PABIR3: variants seen among roughly 807,000 people sequenced by gnomAD.
PABIR3 encodes the protein PABIR family member 3.
PABIR3 carries 20 observed loss-of-function variants against 23.1 expected under a neutral mutation model. The ratio of observed to expected loss-of-function variants is 0.86; its 90% CI spans 0.61 to 1.26. The LOEUF (loss-of-function observed/expected upper bound fraction) is 1.26. Among genes scored for constraint, PABIR3 ranks in the 50% most tolerant of loss-of-function variants. The pLI is 0.00. For missense variants in PABIR3, 189 were observed against 195.4 expected, an observed-to-expected ratio of 0.97 and a Z score of 0.20; for synonymous variants, 69 against 68.5, an observed-to-expected ratio of 1.01 and a Z score of -0.04.
At chrX:134,810,307 T>C in intron 2 of PABIR3, 1 of 754,600 alleles carries the variant, frequency 1.3e-6, no homozygotes, top group Non-Finnish European at 1.6e-6. Context: ...GTTTGTTTGT[T>C]TTTTGCTTAT....
intron 3 of PABIR3, among the ~76,000 whole-genome samples, chrX:134,816,601 T>C (rs1474168066): frequency 9.0e-6 from 1 of 111,100 alleles, no homozygotes; most frequent in African/African-American, 3.3e-5. Context: ...GGATTACAGG[T>C]GTGAGCCACT....
intron 4 of PABIR3, among the ~76,000 whole-genome samples, chrX:134,837,161 C>T (rs766369903): frequency 6.7e-4 from 74 of 110,695 alleles, no homozygotes; most frequent in African/African-American, 2.1e-3. Context: ...GCCTGACCAA[C>T]GTGAAGAAAC....
chrX:134,847,878 TTTA>T lies in PABIR3; in HGVS notation c.439-4_439-2del. ...TTTAAAACCTCTGTTCCAATTTGAT[TTTA>T]GCAGTGTTTCTCTCCATCATTACAA... On this transcript the variant is annotated splice_acceptor_variant and splice_polypyrimidine_tract_variant and intron_variant, in intron 7 of 10. Coordinates refer to ENST00000645433, the MANE Select transcript of PABIR3 (RefSeq NM_001388447.1). LOFTEE classifies it high-confidence loss of function. The T allele has an allele frequency of 2.6e-6, 3 of 1,152,679 alleles. No homozygotes were observed. Among genetic ancestry groups the T allele is most frequent in the Non-Finnish European group, 3.4e-6 (3 of 870,242 alleles). 95.0% of individuals were successfully genotyped at this position (1,152,679 alleles called of 1,213,427 possible). A position where few individuals can be genotyped will look rare whatever the true frequency, so the allele number is the denominator to read the frequency against.
intron 4 of PABIR3, among the ~76,000 whole-genome samples, chrX:134,843,417 A>C (rs2082311778): frequency 9.1e-6 from 1 of 109,476 alleles, no homozygotes. Context: ...GTAAAAAAAA[A>C]AAAGGGGGTT....
At chrX:134,798,596 G>A (rs1353895462) in intron 1 of PABIR3, among the ~76,000 whole-genome samples, 1 of 112,302 alleles carries the variant, frequency 8.9e-6, no homozygotes, top group African/African-American at 3.2e-5. Flanking sequence ...CTGGGGCTGA[G>A]GTCTCATCTT....
chrX:134,824,720 A>T lies in PABIR3; in HGVS notation c.190-4506A>T, dbSNP rs999619376. On this transcript the variant is annotated intron_variant, in intron 3 of 10. Coordinates refer to ENST00000645433, the MANE Select transcript of PABIR3 (RefSeq NM_001388447.1). The stretch of plus-strand genomic sequence containing the variant: ...GAGGCTGAGGCAGGAGAAATGCTTT[A>T]ACCCAGGAGGTGGAGGTTGCATTGA... Among the ~76,000 whole-genome samples the T allele has an allele frequency of 3.6e-5, 4 of 111,928 alleles. No homozygotes were observed. In the Admixed American group the frequency reaches 3.8e-4, roughly 11 times the overall value.
chrX:134,799,067 A>G (rs1214684804), intron 1 of PABIR3, among the ~76,000 whole-genome samples: 1 of 112,240 alleles, frequency 8.9e-6, no homozygotes, highest in Non-Finnish European at 1.9e-5. Flanking sequence ...GGTTATGAGT[A>G]TAGCAGGTGA....
upstream of PABIR3, among the ~76,000 whole-genome samples, chrX:134,805,833 G>A (rs2080206369): frequency 9.0e-6 from 1 of 110,783 alleles, no homozygotes; most frequent in East Asian, 2.8e-4. Flanking sequence ...GGAGGTGGAG[G>A]TTGTGGTGAG....
At chrX:134,832,931 T>C (rs1033323410) in intron 4 of PABIR3, 1 of 111,565 alleles carries the variant, frequency 9.0e-6, no homozygotes, top group Admixed American at 9.6e-5. Context: ...TAACTCTATT[T>C]TTCATTTTTT....
downstream of PABIR3, among the ~76,000 whole-genome samples, chrX:134,857,732 G>A (rs766858213): frequency 9.0e-6 from 1 of 111,187 alleles, no homozygotes; most frequent in African/African-American, 3.3e-5. Context: ...AAAGAGCAGT[G>A]CTCCAAATTT....
the PABIR3 span, among the ~76,000 whole-genome samples, chrX:134,862,153 T>G: frequency 1.1e-5 from 1 of 94,503 alleles, no homozygotes; most frequent in Non-Finnish European, 2.1e-5. Flanking sequence ...TTTTTTTTTT[T>G]TTTTTTTTTT....
In PABIR3 at chrX:134,827,507, A is replaced by G. The variant is rs142362265; in HGVS notation, c.190-1719A>G. Among the ~76,000 whole-genome samples the G allele has an allele frequency of 3.7e-4, 41 of 110,638 alleles. No homozygotes were observed. The East Asian group carries it at 0.011, about 31-fold the overall frequency. ...CTAGTCCCTCTTCCATCCACCATCA[A>G]TGTGTTCTGCATGATGTTGCTAGGG... On this transcript the variant is annotated intron_variant, in intron 3 of 10. Coordinates refer to ENST00000645433, the MANE Select transcript of PABIR3 (RefSeq NM_001388447.1).
chrX:134,803,049 G>A (rs1432547453), upstream of PABIR3, among the ~76,000 whole-genome samples: 1 of 112,447 alleles, frequency 8.9e-6, no homozygotes, highest in Non-Finnish European at 1.9e-5. Flanking sequence ...CTACCAAAAT[G>A]TTGCAGGTGC....
chrX:134,813,609 C>T (rs1008948463), intron 2 of PABIR3, among the ~76,000 whole-genome samples: 6 of 111,453 alleles, frequency 5.4e-5, no homozygotes, highest in African/African-American at 9.8e-5. Flanking sequence ...AGTCTTAAAC[C>T]GTTTCAAAAT....
chrX:134,828,010 GCT>G (rs1167724649), intron 3 of PABIR3, among the ~76,000 whole-genome samples: 2,052 of 61,106 alleles, frequency 0.034, 59 homozygotes, highest in African/African-American at 0.076. Flanking sequence ...CTAGCTCAGT[GCT>G]CTCTCTCTCT....
At chrX:134,826,853 T>A (rs1037747568) in intron 3 of PABIR3, among the ~76,000 whole-genome samples, 1 of 112,441 alleles carries the variant, frequency 8.9e-6, no homozygotes, top group African/African-American at 3.2e-5. Flanking sequence ...AGGTGATATA[T>A]TCCTTAAGCA....
downstream of PABIR3, among the ~76,000 whole-genome samples, chrX:134,855,769 A>G (rs1161429078): frequency 8.9e-6 from 1 of 111,848 alleles, no homozygotes; most frequent in East Asian, 2.8e-4. Context: ...GATGAAACCA[A>G]CTATTTATAA....
chrX:134,814,112 T>C (rs746490748), intron 2 of PABIR3, among the ~76,000 whole-genome samples: 6 of 111,749 alleles, frequency 5.4e-5, no homozygotes, highest in Non-Finnish European at 3.8e-5. Flanking sequence ...CTCGTATTCA[T>C]GTGAAACTTT....
At chrX:134,838,345 G>C (rs1010654481) in intron 4 of PABIR3, among the ~76,000 whole-genome samples, 6 of 107,878 alleles carry the variant, frequency 5.6e-5, no homozygotes, top group African/African-American at 2.0e-4. Context: ...ACAGAGTCTC[G>C]CTCTGTCGCC....
Sources: gnomAD v4.1 joint callset for allele counts (sites outside exome capture counted in the v4.1 genomes callset) on GRCh38, gnomAD v4.1.1 for gene constraint, MANE v1.5 for transcripts, NCBI Gene and HGNC (gene_info 2026-07-23, HGNC 2026-07-21) for gene names.